The following ADH7 variants were observed in gnomAD, a reference collection of about 807,000 sequenced individuals.
ADH7 encodes all-trans-retinol dehydrogenase [NAD(+)] ADH7.
Under a neutral mutation model 34.4 loss-of-function variants are expected in ADH7, and 41 were observed. The observed-to-expected ratio is 1.19, with a 90% CI of 0.93 to 1.55. The LOEUF (loss-of-function observed/expected upper bound fraction) is 1.55. Among genes scored for constraint, ADH7 ranks in the 40% most tolerant of loss-of-function variants. The pLI, the probability that ADH7 is intolerant of heterozygous loss-of-function variation, is 0.00. For synonymous variants in ADH7, 180 were observed against 160.9 expected (o/e 1.12, Z -0.90); for missense variants, 540 against 461.2 (o/e 1.17, Z -1.56).
rs1182520194 is a variant in ADH7, at chr4:99,427,976, C to T, written c.361G>A (p.Gly121Arg). 6.2e-7 allele frequency: 1 copy of T among 1,613,948 alleles called. No individual in the cohort carries two copies. The highest frequency in any genetic ancestry group is 2.2e-5 in the East Asian group (1 of 44,884). The change falls in exon 5 of 9, where the codon GGA becomes AGA. Residue 121 changes from glycine to arginine, a missense_variant. Transcript: ENST00000437033. ...LCIRSDITGR[G>R]VLADGTTRFT... is the part of the protein sequence containing the mutation. ...CTGGTGGTGCCATCAGCCAGTACTC[C>T]ACGACCAGTAATACTGTTTGATACA...
Position 99,413,154 on chromosome 4 carries a change from C to T in ADH7, c.1119G>A (p.Thr373=), listed in dbSNP as rs748999489. The T allele has an allele frequency of 2.7e-5, 44 of 1,613,458 alleles. No individual in the cohort carries two copies. Among genetic ancestry groups the T allele is most frequent in the South Asian group, 7.7e-5 (7 of 91,056 alleles). The change falls in exon 9 of 9, where the codon ACG becomes ACA. Residue 373 remains threonine, a synonymous_variant. Transcript: ENST00000437033. ...CCTCCTGCCACTTTGGATCTCAAAA[C>T]GTCAGGACCGTTCGAATGCTGAAAT... ...NSGQSIRTVL[T]F
At chr4:99,421,252 A>ACCAGC (rs1721656077) in intron 5 of ADH7, among the ~76,000 whole-genome samples, 1 of 152,186 alleles carries the variant, frequency 6.6e-6, no homozygotes, top group Non-Finnish European at 1.5e-5. Context: ...TTCAAACTAT[A>ACCAGC]CTACAAGGCT....
chr4:99,421,955 C>T (rs1367903256), intron 5 of ADH7, among the ~76,000 whole-genome samples: 1 of 152,178 alleles, frequency 6.6e-6, no homozygotes, highest in African/African-American at 2.4e-5. Context: ...CCGTGTGATA[C>T]CATCTCATGC....
At chr4:99,427,335 A>T (rs574089420) in intron 5 of ADH7, among the ~76,000 whole-genome samples, 17 of 152,304 alleles carry the variant, frequency 1.1e-4, no homozygotes, top group Admixed American at 7.2e-4. Flanking sequence ...GTGATCTGAC[A>T]AAATTGTACT....
chr4:99,435,142 T>G, intron 1 of ADH7, 74 bp downstream of exon 1: 28 of 1,574,786 alleles, frequency 1.8e-5, no homozygotes, highest in Non-Finnish European at 2.2e-5. Context: ...ATTACTTTAA[T>G]GGATTCAAAG....
At chr4:99,415,456 G>T (rs373136544) in intron 8 of ADH7, 22 bp downstream of exon 8, 14 of 1,605,704 alleles carry the variant, frequency 8.7e-6, no homozygotes, top group South Asian at 3.4e-5. Context: ...GAAGAGACAA[G>T]ATCATCATAA....
rs1220950814 is a variant in ADH7, at chr4:99,434,078, C to G, written c.18+1138G>C. Among the ~76,000 whole-genome samples, 3 of 152,086 alleles carry G rather than the reference C, an allele frequency of 2.0e-5. No homozygotes were observed. In the East Asian group the frequency reaches 5.8e-4, roughly 29 times the overall value. On this transcript the variant is annotated intron_variant, in intron 1 of 8. Transcript: ENST00000437033. The stretch of plus-strand genomic sequence containing the variant: ...TTTTATACTCTTTATATATTATATA[C>G]TGTATTATTAATTGGAAAGTGCTGC...
Position 99,420,613 on chromosome 4 carries a change from G to A in ADH7, c.745C>T (p.Pro249Ser), listed in dbSNP as rs1440900732. 3 of 1,613,906 alleles carry A rather than the reference G, an allele frequency of 1.9e-6. No individual in the cohort carries two copies. The highest frequency in any genetic ancestry group is 2.2e-5 in the South Asian group (2 of 91,072). Residue 249 changes from proline (P) to serine (S), a missense_variant, in exon 6 of 9, where the codon CCC becomes TCC. Coordinates refer to ENST00000437033, the MANE Select transcript of ADH7 (RefSeq NM_000673.7). ...ATTTCTGACAGCACCTCACTGATGG[G>A]TTTGGTAGAGTCCTTGGGACTGATA... Reference protein sequence around the residue: ...ECISPKDSTKPISEVLSEMTG... With the variant: ...ECISPKDSTKSISEVLSEMTG...
rs1579583579 is a variant in ADH7, at chr4:99,435,332, A to G, written c.-99T>C. ...ATATAACAGCAGCTTGTGCCTTCAC[A>G]TAGATAGTCTGGCTTCAGAGTTCCA... On this transcript the variant is annotated 5_prime_UTR_variant, in exon 1 of 9. The change abolishes an upstream ATG in the 5' untranslated region. Coordinates refer to ENST00000437033, the MANE Select transcript of ADH7 (RefSeq NM_000673.7). 3.3e-6 allele frequency: 5 copies of G among 1,531,006 alleles called. No individual in the cohort carries two copies. The East Asian group carries it at 6.9e-5, about 21-fold the overall frequency. 94.8% of individuals were successfully genotyped at this position (1,531,006 alleles called of 1,614,324 possible).
intron 8 of ADH7, among the ~76,000 whole-genome samples, chr4:99,415,189 C>G (rs537665286): frequency 3.9e-5 from 6 of 152,236 alleles, no homozygotes; most frequent in Admixed American, 3.9e-4. Context: ...CTTGCTTCCT[C>G]TTTGCCTTCC....
intron 5 of ADH7, among the ~76,000 whole-genome samples, chr4:99,427,162 A>T (rs1425852653): frequency 9.9e-5 from 15 of 152,160 alleles, no homozygotes; most frequent in Admixed American, 9.8e-4. Flanking sequence ...ATCTAACATC[A>T]CAGTTGATGG....
At chr4:99,418,707 C>T (rs1248671891) in intron 7 of ADH7, among the ~76,000 whole-genome samples, 3 of 152,140 alleles carry the variant, frequency 2.0e-5, no homozygotes, top group Non-Finnish European at 4.4e-5. Context: ...CTTCCTGTTA[C>T]ATAATTCATC....
chr4:99,429,437 A>ATC (rs35006747), intron 2 of ADH7, 95 bp downstream of exon 2: 97,743 of 802,552 alleles, frequency 0.12, 6,879 homozygotes, highest in South Asian at 0.16. Flanking sequence ...CATGGGAAGC[A>ATC]TCTCCTTATT....
In ADH7 at chr4:99,419,099, T is replaced by C. The variant is rs373645348; in HGVS notation, c.848A>G (p.His283Arg). Residue 283 changes from histidine to arginine, a missense_variant, in exon 7 of 9, where the codon CAC becomes CGC. Physicochemically the swap from His to Arg is conservative, Grantham distance 29. Transcript: ENST00000437033. Reference protein sequence around the residue: ...ETMIDALASCHMNYGTSVVVG... With the variant: ...ETMIDALASCRMNYGTSVVVG... ...AACCACGCTGGTCCCATAGTTCATG[T>C]GGCAGGATGCCAGGGCATCAATCTG... The C allele has an allele frequency of 6.2e-7, 1 of 1,613,628 alleles. No individual in the cohort carries two copies. The highest frequency in any genetic ancestry group is 1.3e-5 in the African/African-American group (1 of 74,918).
At position 99,428,608 on chromosome 4, in the gene ADH7, C is replaced by T. The variant is rs746547216; in HGVS notation, c.143G>A (p.Arg48His). ...RIKILATGIC[R>H]TDDHVIKGTM... ...TCCTTTTATCACATGGTCATCTGTG[C>T]GACAGATTCCTGTGGCCAAAATCTG... Residue 48 changes from arginine to histidine, a missense_variant, in exon 3 of 9, where the codon CGC becomes CAC. Arg to His is a conservative substitution (Grantham distance 29). Coordinates refer to ENST00000437033, the MANE Select transcript of ADH7 (RefSeq NM_000673.7). 1.9e-5 allele frequency: 30 copies of T among 1,612,618 alleles called. No homozygotes were observed. The highest frequency in any genetic ancestry group is 1.6e-4 in the East Asian group (7 of 44,872).
chr4:99,423,085 T>A (rs1267098172), intron 5 of ADH7, among the ~76,000 whole-genome samples: 3 of 143,360 alleles, frequency 2.1e-5, no homozygotes, highest in Non-Finnish European at 3.0e-5. Flanking sequence ...TGTCCATGTG[T>A]TCTCATTGTT....
chr4:99,433,378 A>G (rs1442784348), intron 1 of ADH7, among the ~76,000 whole-genome samples: 1 of 152,212 alleles, frequency 6.6e-6, no homozygotes, highest in African/African-American at 2.4e-5. Flanking sequence ...ACAGCTACAT[A>G]AACTATGGAT....
At chr4:99,421,015 T>C (rs112675628) in intron 5 of ADH7, among the ~76,000 whole-genome samples, 5,585 of 152,146 alleles carry the variant, frequency 0.037, 355 homozygotes, top group African/African-American at 0.13. Flanking sequence ...CACAAACAAA[T>C]GGAAAAATTC....
chr4:99,428,069 A>G lies in ADH7; in HGVS notation c.347+18T>C. On this transcript the variant is annotated intron_variant, in intron 4 of 8. Transcript: ENST00000437033. ...GGAAAAATGTAAATACATTAAAGTA[A>G]AAATGACTGAAACCTACTCGCTCCT... 8.1e-6 allele frequency: 13 copies of G among 1,613,762 alleles called. No homozygotes were observed. Among genetic ancestry groups the G allele is most frequent in the Non-Finnish European group, 1.1e-5 (13 of 1,179,734 alleles).
Sources: gnomAD v4.1 joint callset for allele counts (sites outside exome capture counted in the v4.1 genomes callset) on GRCh38, gnomAD v4.1.1 for gene constraint, MANE v1.5 for transcripts, NCBI Gene and HGNC (gene_info 2026-07-23, HGNC 2026-07-21) for gene names.